ALK: variants seen among roughly 807,000 people sequenced by gnomAD.
ALK encodes ALK tyrosine kinase receptor.
ALK carries 74 observed loss-of-function variants against 163.1 expected under a neutral mutation model. That is an observed-to-expected ratio of 0.45 (90% confidence interval 0.38 to 0.55). The LOEUF is 0.55. Among genes scored for constraint, ALK ranks in the 20% least tolerant of loss-of-function variants. The pLI, the probability that ALK is intolerant of heterozygous loss-of-function variation, is 0.00. For synonymous variants in ALK, 960 were observed against 843.2 expected (o/e 1.14, Z -2.40); for missense variants, 2,063 against 2,105.3 (o/e 0.98, Z 0.39).
chr2:29,302,443 G>A (rs911993831), intron 8 of ALK, among the ~76,000 whole-genome samples: 2 of 152,176 alleles, frequency 1.3e-5, no homozygotes, highest in Admixed American at 1.3e-4. Flanking sequence ...GCTTCAACCC[G>A]GGAGGCGGAG....
At chr2:29,618,790 C>G (rs557933682) in intron 3 of ALK, among the ~76,000 whole-genome samples, 13 of 152,104 alleles carry the variant, frequency 8.5e-5, no homozygotes, top group Non-Finnish European at 1.0e-4. Context: ...ACCAGCCTGG[C>G]CAATATGCTG....
At chr2:29,558,397 CT>C (rs1401039779) in intron 3 of ALK, among the ~76,000 whole-genome samples, 1 of 152,132 alleles carries the variant, frequency 6.6e-6, no homozygotes, top group Non-Finnish European at 1.5e-5. Flanking sequence ...GAAGTCCAAA[CT>C]CTTTAGCCTG....
At position 29,871,538 on chromosome 2, in the gene ALK, C is replaced by T. The variant is rs141957974; in HGVS notation, c.667+48455G>A. The stretch of plus-strand genomic sequence containing the variant: ...AAAGGAAAAATCAAATCAGAGCATG[C>T]CCAGCATCTAAGAGCAACAGAACCT... On this transcript the variant is annotated intron_variant, in intron 1 of 28. Coordinates refer to ENST00000389048, the MANE Select transcript of ALK (RefSeq NM_004304.5). Among the ~76,000 whole-genome samples, 332 of 152,264 alleles carry T rather than the reference C, an allele frequency of 2.2e-3. 4 individuals carry two copies. Among genetic ancestry groups the T allele is most frequent in the African/African-American group, 7.7e-3 (318 of 41,550 alleles).
chr2:29,840,530 G>A (rs954217747), intron 1 of ALK, among the ~76,000 whole-genome samples: 10 of 152,130 alleles, frequency 6.6e-5, no homozygotes, highest in African/African-American at 1.9e-4. Flanking sequence ...ATTCCTTTCT[G>A]TTCTAAAATC....
At chr2:29,620,449 G>A (rs1675998764) in intron 3 of ALK, among the ~76,000 whole-genome samples, 2 of 146,562 alleles carry the variant, frequency 1.4e-5, no homozygotes, top group African/African-American at 5.0e-5. Flanking sequence ...CATATTATGA[G>A]GTACTGGGGG....
At chr2:29,646,042 C>T (rs955994914) in intron 3 of ALK, among the ~76,000 whole-genome samples, 7 of 152,100 alleles carry the variant, frequency 4.6e-5, no homozygotes. Context: ...GAGACCACTG[C>T]CCTGAGATCC....
chr2:29,614,965 T>C (rs1349209479), intron 3 of ALK, among the ~76,000 whole-genome samples: 4 of 152,170 alleles, frequency 2.6e-5, no homozygotes, highest in African/African-American at 9.7e-5. Flanking sequence ...ACAAGTATCA[T>C]GGATAATTTT....
chr2:29,907,561 C>T (rs1224402092), intron 1 of ALK, among the ~76,000 whole-genome samples: 1 of 152,180 alleles, frequency 6.6e-6, no homozygotes, highest in African/African-American at 2.4e-5. Flanking sequence ...TCCACAGAGG[C>T]CTCTGTTCCT....
intron 4 of ALK, among the ~76,000 whole-genome samples, chr2:29,499,642 A>T (rs1045212138): frequency 6.6e-6 from 1 of 151,966 alleles, no homozygotes; most frequent in Non-Finnish European, 1.5e-5. Flanking sequence ...ATTGTTCATC[A>T]TTATTGCTCA....
intron 2 of ALK, 100 bp downstream of exon 2, chr2:29,717,478 G>A: frequency 2.8e-6 from 4 of 1,416,364 alleles, no homozygotes; most frequent in South Asian, 2.3e-5. Flanking sequence ...GGAGCTGAGG[G>A]AATGCCCTGG....
At chr2:29,231,597 T>C (rs1664210271) in intron 15 of ALK, among the ~76,000 whole-genome samples, 1 of 149,164 alleles carries the variant, frequency 6.7e-6, no homozygotes, top group African/African-American at 2.5e-5. Context: ...TTTCTACTCT[T>C]CTATTCTAGC....
chr2:29,801,244 C>A (rs1664461505), intron 1 of ALK, among the ~76,000 whole-genome samples: 1 of 152,078 alleles, frequency 6.6e-6, no homozygotes, highest in Non-Finnish European at 1.5e-5. Flanking sequence ...ACATGGAAAA[C>A]AATAACCCAT....
chr2:29,493,427 T>A (rs1169259653), intron 4 of ALK, among the ~76,000 whole-genome samples: 1 of 152,198 alleles, frequency 6.6e-6, no homozygotes, highest in Admixed American at 6.5e-5. Flanking sequence ...AGATGTCCCA[T>A]AACAGAATGA....
chr2:29,239,649 C>G (rs1291639526), intron 13 of ALK, 31 bp downstream of exon 13: 2 of 1,612,476 alleles, frequency 1.2e-6, no homozygotes, highest in Admixed American at 3.3e-5. Flanking sequence ...TGACAGAGTG[C>G]AGACGAGAAA....
At chr2:29,767,753 G>A (rs1184383596) in intron 1 of ALK, among the ~76,000 whole-genome samples, 2 of 152,150 alleles carry the variant, frequency 1.3e-5, no homozygotes, top group Admixed American at 6.5e-5. Flanking sequence ...TTTCTCCCCT[G>A]CCTCCTCCCC....
chr2:29,756,342 T>C (rs1680530075), intron 1 of ALK, among the ~76,000 whole-genome samples: 1 of 152,226 alleles, frequency 6.6e-6, no homozygotes, highest in Admixed American at 6.5e-5. Context: ...GTCCTAAGTA[T>C]CTGTGTCATA....
In ALK at chr2:29,665,423, G is replaced by A. The variant is rs1431202583; in HGVS notation, c.952+29427C>T. 2.0e-5 allele frequency among the ~76,000 whole-genome samples: 3 copies of A among 152,032 alleles called. No individual in the cohort carries two copies. In the East Asian group the frequency reaches 5.8e-4, roughly 29 times the overall value. The stretch of plus-strand genomic sequence containing the variant: ...AAACTTGATTACAGCAATAATCACA[G>A]CAAGTTTAATGTGTCTGTCACCTAC... On this transcript the variant is annotated intron_variant, in intron 3 of 28. Transcript: ENST00000389048.
At chr2:29,510,804 G>C (rs747255046) in intron 4 of ALK, among the ~76,000 whole-genome samples, 1 of 152,068 alleles carries the variant, frequency 6.6e-6, no homozygotes, top group Non-Finnish European at 1.5e-5. Flanking sequence ...GTTGAGAGAG[G>C]AAGAGAACAG....
chr2:29,753,766 G>T (rs1431910464), intron 1 of ALK, among the ~76,000 whole-genome samples: 2 of 152,126 alleles, frequency 1.3e-5, no homozygotes, highest in Non-Finnish European at 2.9e-5. Flanking sequence ...ATAACTGAAT[G>T]CCCTTGACAG....
Sources: gnomAD v4.1 joint callset for allele counts (sites outside exome capture counted in the v4.1 genomes callset) on GRCh38, gnomAD v4.1.1 for gene constraint, MANE v1.5 for transcripts, NCBI Gene and HGNC (gene_info 2026-07-23, HGNC 2026-07-21) for gene names.